Variants in LRP1B observed in about 807,000 individuals in gnomAD.
LRP1B encodes LDL receptor related protein 1B.
Under a neutral mutation model 556.6 loss-of-function variants are expected in LRP1B, and 217 were observed. That is an observed-to-expected ratio of 0.39 (90% confidence interval 0.35 to 0.44). The LOEUF is 0.44. Among genes scored for constraint, LRP1B ranks in the 20% least tolerant of loss-of-function variants. The pLI is 1.00. For synonymous variants in LRP1B, 2,047 were observed against 1,865.8 expected, an observed-to-expected ratio of 1.10 and a Z score of -2.50; for missense variants, 5,053 against 5,620.8, an observed-to-expected ratio of 0.90 and a Z score of 3.23.
At chr2:141,183,052 G>A (rs539628895) in intron 7 of LRP1B, among the ~76,000 whole-genome samples, 40 of 152,012 alleles carry the variant, frequency 2.6e-4, no homozygotes, top group African/African-American at 7.9e-4. Context: ...CTTTAGAACC[G>A]TCTCAGTCCT....
intron 21 of LRP1B, 35 bp downstream of exon 21, chr2:140,922,930 A>T (rs953771330): frequency 6.3e-7 from 1 of 1,589,176 alleles, no homozygotes; most frequent in African/African-American, 1.3e-5. Flanking sequence ...ACACTCAGGG[A>T]GACCCAATAG....
At chr2:141,379,345 T>A (rs1047811701) in intron 3 of LRP1B, among the ~76,000 whole-genome samples, 1 of 152,128 alleles carries the variant, frequency 6.6e-6, no homozygotes, top group Admixed American at 6.5e-5. Context: ...AGTTCATTAA[T>A]AGTAGATCTG....
chr2:140,554,884 G>GTGTGTGTGTGTA (rs56040453), intron 43 of LRP1B, among the ~76,000 whole-genome samples: 45 of 148,654 alleles, frequency 3.0e-4, no homozygotes, highest in Admixed American at 6.8e-4. Context: ...GTGTGTGTGT[G>GTGTGTGTGTGTA]TATATGTATA....
At chr2:141,960,572 C>T (rs143495675) in intron 1 of LRP1B, among the ~76,000 whole-genome samples, 150 of 151,920 alleles carry the variant, frequency 9.9e-4, no homozygotes, top group Non-Finnish European at 7.1e-4. Context: ...CTCTAAACTA[C>T]CCATTATTTG....
rs534887827 is a variant in LRP1B, at chr2:141,722,049, T to C, written c.205+88230A>G. Among the ~76,000 whole-genome samples, 3 of 152,262 alleles carry C rather than the reference T, an allele frequency of 2.0e-5. No homozygotes were observed. The South Asian group carries it at 6.2e-4, about 32-fold the overall frequency. The stretch of plus-strand genomic sequence containing the variant: ...GAGGATGCTCAAATGTCTTCTGTAG[T>C]TTTCCACAAATGCTGGAACATCATG... On this transcript the variant is annotated intron_variant, in intron 2 of 90. Transcript: ENST00000389484.
chr2:142,097,738 G>T (rs1352283668), intron 1 of LRP1B, among the ~76,000 whole-genome samples: 2 of 151,586 alleles, frequency 1.3e-5, no homozygotes, highest in African/African-American at 4.8e-5. Context: ...AAACTAAGAA[G>T]TTAGAAGTTA....
chr2:141,990,386 A>T (rs1702310907), intron 1 of LRP1B, among the ~76,000 whole-genome samples: 1 of 152,118 alleles, frequency 6.6e-6, no homozygotes, highest in South Asian at 2.1e-4. Context: ...ATTGGAATTA[A>T]ATCAGCTATC....
intron 2 of LRP1B, among the ~76,000 whole-genome samples, chr2:141,664,326 T>C (rs897795231): frequency 6.6e-6 from 1 of 152,156 alleles, no homozygotes; most frequent in Admixed American, 6.6e-5. Context: ...CTGACCACTC[T>C]TATTCAACAT....
At chr2:140,249,365 G>A (rs1196794752) in intron 86 of LRP1B, among the ~76,000 whole-genome samples, 3 of 151,572 alleles carry the variant, frequency 2.0e-5, no homozygotes, top group African/African-American at 7.3e-5. Context: ...AAGTAGGACA[G>A]GTATTTGTTA....
chr2:140,888,697 C>T (rs1352751154), intron 23 of LRP1B, among the ~76,000 whole-genome samples: 1 of 151,982 alleles, frequency 6.6e-6, no homozygotes, highest in Admixed American at 6.6e-5. Context: ...GGTGCGGTGG[C>T]TCGTGCCTGT....
chr2:141,611,514 G>T lies in LRP1B; in HGVS notation c.206-130981C>A, dbSNP rs886803775. Among the ~76,000 whole-genome samples the T allele has an allele frequency of 2.6e-5, 4 of 152,162 alleles. No homozygotes were observed. The South Asian group carries it at 6.2e-4, about 24-fold the overall frequency. ...TATTGAAACCTGAGAAGAAAAGAGC[G>T]CAGCCTTAAATGCTATTACTCTGCA... is the stretch of plus-strand genomic sequence containing the variant. On this transcript the variant is annotated intron_variant, in intron 2 of 90. Transcript: ENST00000389484.
chr2:140,948,862 CAG>C (rs1451814342), intron 20 of LRP1B, among the ~76,000 whole-genome samples: 2 of 152,150 alleles, frequency 1.3e-5, no homozygotes, highest in African/African-American at 2.4e-5. Context: ...ATACATCACT[CAG>C]GGAATCCGCA....
intron 3 of LRP1B, among the ~76,000 whole-genome samples, chr2:141,414,003 G>T (rs1242028406): frequency 6.6e-6 from 1 of 152,072 alleles, no homozygotes; most frequent in Non-Finnish European, 1.5e-5. Flanking sequence ...GGCTGAGGTG[G>T]GCGCATCACG....
intron 3 of LRP1B, among the ~76,000 whole-genome samples, chr2:141,434,072 T>C (rs1375031871): frequency 1.3e-5 from 2 of 151,864 alleles, no homozygotes; most frequent in Admixed American, 6.6e-5. Context: ...TGAGTGTGGT[T>C]CTCTTTGCAT....
chr2:141,140,825 T>A (rs1701631514), intron 7 of LRP1B, among the ~76,000 whole-genome samples: 1 of 152,152 alleles, frequency 6.6e-6, no homozygotes, highest in Admixed American at 6.6e-5. Flanking sequence ...CTAATCTGAT[T>A]GACTTACTGA....
chr2:140,485,387 T>C lies in LRP1B; in HGVS notation c.9381A>G (p.Lys3127=), dbSNP rs371238595. The part of the protein sequence containing the change: ...NGLYPTILVS[K]RLKFPRDLSL... ...ACAAGTCTCTGGGAAACTTCAGCCT[T>C]TTGCTAACGAGTATAGTAGGGTACA... The change falls in exon 59 of 91, where the codon AAA becomes AAG. Residue 3127 remains lysine, a synonymous_variant. Coordinates refer to ENST00000389484, the MANE Select transcript of LRP1B (RefSeq NM_018557.3). 38 of 1,612,666 alleles carry C rather than the reference T, an allele frequency of 2.4e-5. No individual in the cohort carries two copies. The highest frequency in any genetic ancestry group is 3.1e-5 in the Non-Finnish European group (37 of 1,179,552).
At chr2:140,507,584 G>A (rs1689473497) in intron 52 of LRP1B, among the ~76,000 whole-genome samples, 1 of 152,112 alleles carries the variant, frequency 6.6e-6, no homozygotes, top group South Asian at 2.1e-4. Flanking sequence ...GGAAAAAATG[G>A]TTGATCCAAG....
At chr2:141,112,590 A>G (rs2104971075) in intron 7 of LRP1B, among the ~76,000 whole-genome samples, 1 of 152,340 alleles carries the variant, frequency 6.6e-6, no homozygotes, top group Non-Finnish European at 1.5e-5. Context: ...CAATGTCAAT[A>G]TTTAAACAAT....
chr2:141,437,525 G>A (rs6711388), intron 3 of LRP1B, among the ~76,000 whole-genome samples: 2 of 151,666 alleles, frequency 1.3e-5, no homozygotes, highest in Non-Finnish European at 2.9e-5. Context: ...TGTATTTATT[G>A]AAATACAAAT....
Sources: allele counts gnomAD v4.1 joint callset (sites outside exome capture counted in the v4.1 genomes callset), GRCh38; gene constraint gnomAD v4.1.1; transcripts MANE v1.5; gene names NCBI Gene and HGNC (gene_info 2026-07-23, HGNC 2026-07-21).